Variants in MTTP observed in about 807,000 individuals in gnomAD.
MTTP encodes the protein microsomal triglyceride transfer protein, also known as microsomal triglyceride transfer protein large subunit.
In MTTP, 49 loss-of-function variants were observed where a neutral mutation model predicts 90.6. That is an observed-to-expected ratio of 0.54 (90% CI 0.43 to 0.69). MTTP has a LOEUF of 0.69. MTTP is among the 30% of genes least tolerant of loss of function. The probability of loss-of-function intolerance (pLI) is 0.00; values close to 1 mark genes in which losing one functional copy is unlikely to be tolerated. For missense variants in MTTP, 945 were observed against 1,067.5 expected, an observed-to-expected ratio of 0.89 and a Z score of 1.60; for synonymous variants, 347 against 384.2, an observed-to-expected ratio of 0.90 and a Z score of 1.13.
upstream of MTTP, among the ~76,000 whole-genome samples, chr4:99,571,267 C>T (rs968431208): frequency 4.0e-5 from 6 of 151,482 alleles, no homozygotes; most frequent in South Asian, 4.2e-4. Flanking sequence ...ATTGTTGTAT[C>T]GTATATACTT....
chr4:99,564,923 G>A (rs1724630253), intron 1 of MTTP, among the ~76,000 whole-genome samples: 1 of 152,116 alleles, frequency 6.6e-6, no homozygotes. Flanking sequence ...CTTGCCATAA[G>A]CCCTTAAATT....
chr4:99,607,462 T>C (rs1725844324), intron 11 of MTTP, among the ~76,000 whole-genome samples: 1 of 152,132 alleles, frequency 6.6e-6, no homozygotes, highest in Non-Finnish European at 1.5e-5. Context: ...CAAATCATGA[T>C]GGTTAGGGGC....
At chr4:99,611,094 A>G (rs1725937739) in intron 12 of MTTP, 49 bp from the exon 13 acceptor site, 1 of 1,566,774 alleles carries the variant, frequency 6.4e-7, no homozygotes. Flanking sequence ...GACTTGGGAA[A>G]CAGTCATTAC....
At position 99,591,312 on chromosome 4, in the gene MTTP, A is replaced by G. The variant is rs911483127; in HGVS notation, c.579A>G (p.Ser193=). 1.9e-6 allele frequency: 3 copies of G among 1,613,936 alleles called. No individual in the cohort carries two copies. Among genetic ancestry groups the G allele is most frequent in the African/African-American group, 1.3e-5 (1 of 74,928 alleles). The change falls in exon 5 of 18, where the codon TCA becomes TCG. Residue 193 remains serine, a synonymous_variant. Coordinates refer to ENST00000265517, the MANE Select transcript of MTTP (RefSeq NM_001386140.1). ...TGATCAAAATTAAGGCCTTGGATTC[A>G]TGCAAAATAGCGAGGTCTGGATTTA... ...DKVIKIKALD[S]CKIARSGFTT...
Position 99,590,128 on chromosome 4 carries a change from C to A in MTTP, c.501+378C>A, listed in dbSNP as rs536473092. Among the ~76,000 whole-genome samples the A allele has an allele frequency of 2.0e-5, 3 of 152,170 alleles. No individual in the cohort carries two copies. In the South Asian group the frequency reaches 6.2e-4, roughly 32 times the overall value. On this transcript the variant is annotated intron_variant, in intron 4 of 17. Coordinates refer to ENST00000265517, the MANE Select transcript of MTTP (RefSeq NM_001386140.1). ...TCTTTTTTTTTGAGATGGAGTCTCA[C>A]TCTGTGGCCCAGGCTGGAGTGCAAT...
chr4:99,599,198 C>A (rs1450662657), intron 8 of MTTP, among the ~76,000 whole-genome samples: 1 of 152,160 alleles, frequency 6.6e-6, no homozygotes, highest in African/African-American at 2.4e-5. Context: ...TTGTTAATTT[C>A]TCTGTTGCAG....
At chr4:99,566,635 C>T (rs1348682057) in intron 1 of MTTP, among the ~76,000 whole-genome samples, 2 of 152,078 alleles carry the variant, frequency 1.3e-5, no homozygotes, top group Non-Finnish European at 2.9e-5. Context: ...TTTTTAAGAA[C>T]AGCCATAAAT....
chr4:99,612,912 G>C lies in MTTP; in HGVS notation c.1990-1G>C. ...ATGAACATTATATTGATTTTATCCA[G>C]GTGGTTATTGAAGCCCAAGGACTGG... is the stretch of plus-strand genomic sequence containing the variant. On this transcript the variant is annotated splice_acceptor_variant, in intron 14 of 17. Coordinates refer to ENST00000265517, the MANE Select transcript of MTTP (RefSeq NM_001386140.1). LOFTEE classifies it high-confidence loss of function. 1 of 1,613,308 alleles carries C rather than the reference G, an allele frequency of 6.2e-7. No homozygotes were observed. Among genetic ancestry groups the C allele is most frequent in the Non-Finnish European group, 8.5e-7 (1 of 1,179,328 alleles).
upstream of MTTP, among the ~76,000 whole-genome samples, chr4:99,571,468 A>G (rs16996623): frequency 0.086 from 13,058 of 151,932 alleles, 1,015 homozygotes; most frequent in African/African-American, 0.19. Context: ...GTCAAAGATA[A>G]TTTAGAATCC....
intron 7 of MTTP, 103 bp from the exon 8 acceptor site, chr4:99,596,964 G>A: frequency 6.6e-6 from 10 of 1,522,022 alleles, no homozygotes; most frequent in Middle Eastern, 2.3e-4. Context: ...AGCTGCTTTC[G>A]CTTCAGACAC....
chr4:99,589,799 G>T (rs763792461), intron 4 of MTTP, 49 bp downstream of exon 4: 2 of 1,229,878 alleles, frequency 1.6e-6, no homozygotes, highest in Admixed American at 1.7e-5. Context: ...AAATTTGTAA[G>T]GATTTCTACT....
At position 99,623,471 on chromosome 4, in the gene MTTP, C is replaced by T. The variant is rs1419583524; in HGVS notation, c.*623C>T. On this transcript the variant is annotated 3_prime_UTR_variant, in exon 18 of 18. Coordinates refer to ENST00000265517, the MANE Select transcript of MTTP (RefSeq NM_001386140.1). ...TAGAAGGCACATAGAAATAACATCT[C>T]ATCTTTCTGCTGACCATTTTAGTGA... The T allele has an allele frequency of 2.6e-5, 4 of 154,314 alleles. No homozygotes were observed. The highest frequency in any genetic ancestry group is 2.6e-4 in the Admixed American group (4 of 15,562). 9.6% of individuals were successfully genotyped at this position (154,314 alleles called of 1,614,324 possible).
In MTTP at chr4:99,574,885, A is replaced by G. The variant is rs1185759098; in HGVS notation, c.-25A>G. The stretch of plus-strand genomic sequence containing the variant: ...TCAGTGACTCCTAGCTGGGCACTGG[A>G]TGCAGTTGAGGATTGCTGGTCAATA... On this transcript the variant is annotated 5_prime_UTR_variant, in exon 1 of 18. The change abolishes an upstream ATG in the 5' untranslated region. Coordinates refer to ENST00000265517, the MANE Select transcript of MTTP (RefSeq NM_001386140.1). 1.2e-6 allele frequency: 2 copies of G among 1,614,102 alleles called. No individual in the cohort carries two copies. The highest frequency in any genetic ancestry group is 1.7e-5 in the Admixed American group (1 of 60,020).
At chr4:99,567,227 A>G (rs1196898739) in intron 1 of MTTP, among the ~76,000 whole-genome samples, 1 of 152,228 alleles carries the variant, frequency 6.6e-6, no homozygotes, top group African/African-American at 2.4e-5. Flanking sequence ...AGGTGATTAG[A>G]CAGGCAGTGT....
In MTTP at chr4:99,601,701, G is replaced by A. The variant is rs1193428999; in HGVS notation, c.1331G>A (p.Gly444Asp). Residue 444 changes from glycine (G) to aspartate (D), a missense_variant, in exon 10 of 18, where the codon GGC becomes GAC. Transcript: ENST00000265517. ...GTCAGAAAGTTGTGTCAGAATGAAG[G>A]CTGCAAACTCAAAGTAAGTGCAAAT... ...TLVRKLCQNE[G>D]CKLKAVVEAK... The A allele has an allele frequency of 6.2e-7, 1 of 1,611,896 alleles. No individual in the cohort carries two copies. Among genetic ancestry groups the A allele is most frequent in the Admixed American group, 1.7e-5 (1 of 59,938 alleles).
upstream of MTTP, among the ~76,000 whole-genome samples, chr4:99,571,394 G>A (rs147024550): frequency 6.6e-6 from 1 of 151,730 alleles, no homozygotes; most frequent in South Asian, 2.1e-4. Context: ...TGTATTTACA[G>A]TAGTCTACTA....
chr4:99,585,604 T>C (rs1458190015), intron 3 of MTTP, among the ~76,000 whole-genome samples: 2 of 152,150 alleles, frequency 1.3e-5, no homozygotes, highest in African/African-American at 4.8e-5. Context: ...TCATAGATAT[T>C]ATTTGCATTT....
chr4:99,613,185 G>A lies in MTTP; in HGVS notation c.2217+45G>A, dbSNP rs374202657. 2.1e-4 allele frequency: 319 copies of A among 1,499,912 alleles called. 1 individual carries two copies. The South Asian group carries it at 3.3e-3, about 15-fold the overall frequency. The allele number at this position is 1,499,912 out of a possible 1,614,324, so 92.9% of individuals were successfully genotyped here. On this transcript the variant is annotated intron_variant, in intron 15 of 17. Coordinates refer to ENST00000265517, the MANE Select transcript of MTTP (RefSeq NM_001386140.1). ...AGTATTTATTGAGTCCCTAAAATAC[G>A]CCAGGCACGTTTTAAATATGCTTAG...
At chr4:99,621,812 CTG>C (rs756830986) in intron 17 of MTTP, among the ~76,000 whole-genome samples, 10 of 152,142 alleles carry the variant, frequency 6.6e-5, no homozygotes, top group Non-Finnish European at 1.3e-4. Context: ...AACATTTGTG[CTG>C]TGTCATTTGA....
Sources: allele counts gnomAD v4.1 joint callset (sites outside exome capture counted in the v4.1 genomes callset), GRCh38; gene constraint gnomAD v4.1.1; transcripts MANE v1.5; gene names NCBI Gene and HGNC (gene_info 2026-07-23, HGNC 2026-07-21).